The following INSR variants were observed in gnomAD, a reference collection of about 807,000 sequenced individuals.
The protein encoded by INSR is insulin receptor, also known as IR.
Under a neutral mutation model 142.6 loss-of-function variants are expected in INSR, and 67 were observed. That is an observed-to-expected ratio of 0.47 (90% CI 0.39 to 0.58). The LOEUF (loss-of-function observed/expected upper bound fraction) is 0.58. Ranked by LOEUF, INSR falls within the 20% of genes least tolerant of loss-of-function variation. INSR has a pLI of 0.00. For synonymous variants in INSR, 756 were observed against 743.1 expected (o/e 1.02, Z -0.28); for missense variants, 1,248 against 1,833.2 (o/e 0.68, Z 5.83).
At chr19:7,252,919 T>G (rs1028271437) in intron 2 of INSR, among the ~76,000 whole-genome samples, 5 of 152,012 alleles carry the variant, frequency 3.3e-5, no homozygotes, top group Non-Finnish European at 5.9e-5. Flanking sequence ...ATTGAGACCA[T>G]CCTGGCCAAC....
rs147884832 is a variant in INSR, at chr19:7,276,293, G to A, written c.101-8397C>T. Among the ~76,000 whole-genome samples, 850 of 151,688 alleles carry A rather than the reference G, an allele frequency of 5.6e-3. 17 individuals carry two copies. Among genetic ancestry groups the A allele is most frequent in the Admixed American group, 0.029 (443 of 15,214 alleles). ...CCCAAGTAGCTGGGACTACAGCTGC[G>A]TACCACCATGCCTGGCTAATTTTTG... On this transcript the variant is annotated intron_variant, in intron 1 of 21. Coordinates refer to ENST00000302850, the MANE Select transcript of INSR (RefSeq NM_000208.4).
chr19:7,238,513 C>G (rs762920390), intron 2 of INSR, among the ~76,000 whole-genome samples: 10 of 149,862 alleles, frequency 6.7e-5, no homozygotes, highest in Admixed American at 3.4e-4. Flanking sequence ...TCCAGCTACC[C>G]GAGAGGCTGA....
At chr19:7,158,940 G>A (rs187992212) in intron 9 of INSR, among the ~76,000 whole-genome samples, 2,893 of 148,356 alleles carry the variant, frequency 0.02, 87 homozygotes, top group African/African-American at 0.072. Flanking sequence ...GTCTTGCTCT[G>A]TTGCCAGGCT....
chr19:7,122,604 C>G lies in INSR; in HGVS notation c.3529+10G>C, dbSNP rs1213500991. ...GTCGTTATGTTTTCAAAGCAGAAAG[C>G]CAGACGAACCTCCAATTTTGACAGT... On this transcript the variant is annotated intron_variant, in intron 19 of 21. Coordinates refer to ENST00000302850, the MANE Select transcript of INSR (RefSeq NM_000208.4). The G allele has an allele frequency of 2.5e-6, 4 of 1,614,146 alleles. No individual in the cohort carries two copies. The highest frequency in any genetic ancestry group is 3.4e-6 in the Non-Finnish European group (4 of 1,180,022).
chr19:7,200,802 G>A lies in INSR; in HGVS notation c.653-16165C>T, dbSNP rs990588619. On this transcript the variant is annotated intron_variant, in intron 2 of 21. Transcript: ENST00000302850. The stretch of plus-strand genomic sequence containing the variant: ...TCGAGTCCAGGAAGTTGAGGCTGCA[G>A]TGAGCTAGGATCACGCCACTGCACT... Among the ~76,000 whole-genome samples the A allele has an allele frequency of 6.0e-5, 9 of 149,544 alleles. No individual in the cohort carries two copies. The South Asian group carries it at 8.5e-4, about 14-fold the overall frequency.
intron 1 of INSR, among the ~76,000 whole-genome samples, chr19:7,290,590 T>C (rs1206943009): frequency 6.6e-6 from 1 of 151,824 alleles, no homozygotes; most frequent in East Asian, 1.9e-4. Flanking sequence ...CTAACCAATA[T>C]GGCGAAATCC....
intron 2 of INSR, among the ~76,000 whole-genome samples, chr19:7,202,095 T>C (rs1292270223): frequency 3.9e-5 from 6 of 152,200 alleles, no homozygotes; most frequent in African/African-American, 1.4e-4. Context: ...TCTGTATCTG[T>C]TCTATCCATT....
At chr19:7,261,377 G>A (rs960998179) in intron 2 of INSR, among the ~76,000 whole-genome samples, 11 of 152,024 alleles carry the variant, frequency 7.2e-5, no homozygotes, top group East Asian at 1.9e-4. Context: ...CATAGACCCC[G>A]TCTCCACTCT....
chr19:7,193,348 C>T (rs1014094565), intron 2 of INSR, among the ~76,000 whole-genome samples: 20 of 151,870 alleles, frequency 1.3e-4, no homozygotes, highest in South Asian at 2.1e-4. Flanking sequence ...TCCGTCTCCA[C>T]GAAAAATATA....
In INSR at chr19:7,216,562, C is replaced by T. The variant is rs1159657193; in HGVS notation, c.653-31925G>A. Among the ~76,000 whole-genome samples, 1 of 152,066 alleles carries T rather than the reference C, an allele frequency of 6.6e-6. No homozygotes were observed. The highest frequency in any genetic ancestry group is 1.5e-5 in the Non-Finnish European group (1 of 68,024). ...TTCGAAAATGCAGGCCCCTTGTATC[C>T]AGGGGGTCTGGGAAGGAACAAATTG... On this transcript the variant is annotated intron_variant, in intron 2 of 21. Transcript: ENST00000302850. The surrounding 1 kb of genome is among the most constrained non-coding windows in gnomAD (Gnocchi z 4.2).
At chr19:7,245,190 C>G (rs1035825947) in intron 2 of INSR, among the ~76,000 whole-genome samples, 2 of 152,074 alleles carry the variant, frequency 1.3e-5, no homozygotes, top group African/African-American at 4.8e-5. Flanking sequence ...CCTGCCTCGG[C>G]CTCCCCAAGT....
At chr19:7,273,806 C>T (rs536450216) in intron 1 of INSR, among the ~76,000 whole-genome samples, 84 of 151,930 alleles carry the variant, frequency 5.5e-4, no homozygotes, top group Non-Finnish European at 9.4e-4. Context: ...CGTGAGCCAC[C>T]GTGCCTGACC....
At chr19:7,130,720 T>G (rs8111012) in intron 14 of INSR, among the ~76,000 whole-genome samples, 25,186 of 151,860 alleles carry the variant, frequency 0.17, 2,577 homozygotes, top group African/African-American at 0.29. Flanking sequence ...GGGAGCCAAT[T>G]AAACCTCTTT....
intron 2 of INSR, among the ~76,000 whole-genome samples, chr19:7,195,016 C>T (rs138177789): frequency 6.6e-6 from 1 of 152,100 alleles, no homozygotes; most frequent in African/African-American, 2.4e-5. Flanking sequence ...TGTCCTCAGC[C>T]CCCAGCAGCA....
chr19:7,250,676 C>A (rs1976701386), intron 2 of INSR, among the ~76,000 whole-genome samples: 1 of 151,422 alleles, frequency 6.6e-6, no homozygotes, highest in Non-Finnish European at 1.5e-5. Flanking sequence ...GTGTGTTTTT[C>A]TTTAAAACAA....
intron 2 of INSR, among the ~76,000 whole-genome samples, chr19:7,242,164 A>AAG: frequency 6.6e-6 from 1 of 151,372 alleles, no homozygotes. Flanking sequence ...AAAAAAAAAA[A>AAG]AAGAAGAAGG....
intron 3 of INSR, among the ~76,000 whole-genome samples, chr19:7,176,270 T>C (rs2144965735): frequency 6.6e-6 from 1 of 152,226 alleles, no homozygotes; most frequent in Non-Finnish European, 1.5e-5. Context: ...TGGCAGTGTA[T>C]AGTGAGTGAG....
intron 2 of INSR, among the ~76,000 whole-genome samples, chr19:7,206,595 C>T (rs147122717): frequency 1.4e-4 from 22 of 152,242 alleles, no homozygotes; most frequent in Admixed American, 7.2e-4. Context: ...CTGGGTTGCA[C>T]GCTCTTTATG....
intron 2 of INSR, among the ~76,000 whole-genome samples, chr19:7,239,652 A>T (rs1277185508): frequency 6.6e-6 from 1 of 152,206 alleles, no homozygotes; most frequent in Non-Finnish European, 1.5e-5. Flanking sequence ...CAAGATGTTC[A>T]TTGCAGCATT....
Sources: gnomAD v4.1 joint callset for allele counts (sites outside exome capture counted in the v4.1 genomes callset) on GRCh38, gnomAD v4.1.1 for gene constraint, Gnocchi (gnomAD v3.1) non-coding constraint, MANE v1.5 for transcripts, NCBI Gene and HGNC (gene_info 2026-07-23, HGNC 2026-07-21) for gene names.